The following CDKN2B-AS1 variants were observed in gnomAD, a reference collection of about 807,000 sequenced individuals.
CDKN2B-AS1 encodes the protein CDKN2B and CDKN2A antisense cis and trans regulatory RNA 1.
At chr9:22,042,018 G>A (rs377677144) in intron 1 of CDKN2B-AS1, among the ~76,000 whole-genome samples, 3 of 152,042 alleles carry the variant, frequency 2.0e-5, no homozygotes, top group East Asian at 1.9e-4. Flanking sequence ...TGTTAGCCAA[G>A]TTTACTATGT....
intron 4 of CDKN2B-AS1, among the ~76,000 whole-genome samples, chr9:22,090,897 T>C (rs1198537345): frequency 6.6e-6 from 1 of 152,188 alleles, no homozygotes; most frequent in African/African-American, 2.4e-5. Context: ...ATGAAGTCCT[T>C]GCCCATGCCT....
At chr9:22,105,153 G>T (rs1055748098) in intron 4 of CDKN2B-AS1, among the ~76,000 whole-genome samples, 1 of 152,178 alleles carries the variant, frequency 6.6e-6, no homozygotes, top group Non-Finnish European at 1.5e-5. Context: ...TTAAATGAGG[G>T]TATGTGTATA....
intron 4 of CDKN2B-AS1, among the ~76,000 whole-genome samples, chr9:22,109,578 G>A (rs1825749985): frequency 6.6e-6 from 1 of 152,174 alleles, no homozygotes; most frequent in African/African-American, 2.4e-5. Context: ...GAATAAGTAA[G>A]AGCAAGTATT....
intron 1 of CDKN2B-AS1, chr9:22,009,203 G>A: frequency 1.6e-6 from 1 of 612,858 alleles, no homozygotes; most frequent in Non-Finnish European, 2.9e-6. Context: ...TTGCTTCTGG[G>A]AAAAAGCGCC....
At chr9:22,097,635 C>A (rs1319897066) in intron 4 of CDKN2B-AS1, among the ~76,000 whole-genome samples, 1 of 152,174 alleles carries the variant, frequency 6.6e-6, no homozygotes, top group African/African-American at 2.4e-5. Flanking sequence ...AGCCACAACC[C>A]TAAAAGGGAA....
chr9:22,060,479 A>G (rs1424081834), intron 4 of CDKN2B-AS1, among the ~76,000 whole-genome samples: 1 of 152,176 alleles, frequency 6.6e-6, no homozygotes, highest in African/African-American at 2.4e-5. Context: ...CGCTGTTGGC[A>G]TTTTGGACAA....
At chr9:22,052,358 G>C (rs1274006591) in intron 3 of CDKN2B-AS1, among the ~76,000 whole-genome samples, 5 of 152,122 alleles carry the variant, frequency 3.3e-5, no homozygotes. Context: ...TGACCTAACT[G>C]TATATTTTCA....
intron 1 of CDKN2B-AS1, among the ~76,000 whole-genome samples, chr9:22,011,176 T>TC (rs1821485964): frequency 1.3e-5 from 2 of 152,214 alleles, no homozygotes; most frequent in South Asian, 2.1e-4. Flanking sequence ...TTCTAAAGCT[T>TC]CACACTTGAT....
intron 3 of CDKN2B-AS1, among the ~76,000 whole-genome samples, chr9:22,052,419 G>A (rs921098065): frequency 6.6e-6 from 1 of 152,156 alleles, no homozygotes; most frequent in African/African-American, 2.4e-5. Context: ...TCTACAAAGA[G>A]ATGCATGACA....
chr9:22,049,407 C>T (rs1823242635), intron 3 of CDKN2B-AS1, among the ~76,000 whole-genome samples: 1 of 152,184 alleles, frequency 6.6e-6, no homozygotes, highest in Non-Finnish European at 1.5e-5. Context: ...CAAAGAAATG[C>T]AGCCCTTTAA....
chr9:22,127,628 G>T (rs757308892), exon 5 of CDKN2B-AS1, among the ~76,000 whole-genome samples: 5 of 152,162 alleles, frequency 3.3e-5, no homozygotes, highest in Non-Finnish European at 7.3e-5. Flanking sequence ...TGTGTCCACT[G>T]AGGATCTCTG....
intron 3 of CDKN2B-AS1, among the ~76,000 whole-genome samples, chr9:22,049,888 TA>T (rs1823270916): frequency 9.0e-6 from 1 of 110,766 alleles, no homozygotes; most frequent in South Asian, 4.2e-4. Context: ...TATTTTTCCT[TA>T]AATATTTTTT....
chr9:22,081,275 CTTTT>C (rs36049201), intron 4 of CDKN2B-AS1, among the ~76,000 whole-genome samples: 1 of 124,500 alleles, frequency 8.0e-6, no homozygotes, highest in Non-Finnish European at 1.7e-5. Context: ...TGTTCTTTAG[CTTTT>C]TTTTTTTTTT....
At chr9:22,080,119 C>A (rs1300728237) in intron 4 of CDKN2B-AS1, among the ~76,000 whole-genome samples, 1 of 152,204 alleles carries the variant, frequency 6.6e-6, no homozygotes, top group Non-Finnish European at 1.5e-5. Context: ...TGAATAATCA[C>A]CAAAGGCGTG....
chr9:22,072,838 G>T (rs1824350756), intron 4 of CDKN2B-AS1, among the ~76,000 whole-genome samples: 1 of 152,154 alleles, frequency 6.6e-6, no homozygotes, highest in Admixed American at 6.5e-5. Flanking sequence ...TCTTAACTTT[G>T]TGTCTTTGGG....
chr9:22,087,689 A>C (rs78651848), intron 4 of CDKN2B-AS1, among the ~76,000 whole-genome samples: 2 of 152,200 alleles, frequency 1.3e-5, no homozygotes, highest in Non-Finnish European at 2.9e-5. Context: ...TGTCATTTGC[A>C]TACCACTTCT....
Position 21,996,241 on chromosome 9 carries a change from A to G in CDKN2B-AS1, n.29+1080A>G, listed in dbSNP as rs1820674405. Among the ~76,000 whole-genome samples the G allele has an allele frequency of 6.6e-6, 1 of 152,108 alleles. No individual in the cohort carries two copies. The highest frequency in any genetic ancestry group is 1.5e-5 in the Non-Finnish European group (1 of 68,016). The stretch of plus-strand genomic sequence containing the variant: ...CCGGACCTCGGTACAAACCCAAGAC[A>G]AAACGGGGCCCTTTGGAAAAAGTGA... On this transcript the variant is annotated intron_variant and non_coding_transcript_variant, in intron 1 of 4. Transcript: ENST00000650946. This position sits in a 1 kb window ranked among gnomAD's most constrained non-coding sequence, Gnocchi z 5.4.
rs375030522 is a variant in CDKN2B-AS1 at position 22,095,336 on chromosome 9, C to T, written n.439-31767C>T. 8.3e-5 allele frequency among the ~76,000 whole-genome samples: 12 copies of T among 144,766 alleles called. No individual in the cohort carries two copies. The South Asian group carries it at 2.5e-3, about 31-fold the overall frequency. The allele number at this position is 144,766 out of a possible 152,430, so 95.0% of individuals were successfully genotyped here. ...CAAAGAACATCTTTATTTCTGCCTT[C>T]ATTTTGTTATGTACCCAGTAGTCAT... On this transcript the variant is annotated intron_variant and non_coding_transcript_variant, in intron 4 of 4. Coordinates refer to ENST00000650946, the Ensembl canonical transcript of CDKN2B-AS1.
rs1587379114 is a variant in CDKN2B-AS1 at position 22,005,229 on chromosome 9, G to T, written n.29+10068G>T. ...TGTAGTCTGCCTGCGGAACCCGCGG[G>T]AATCTCTCCTCAGTGTAGTAAGAGC... On this transcript the variant is annotated intron_variant and non_coding_transcript_variant, in intron 1 of 4. Coordinates refer to ENST00000650946, the Ensembl canonical transcript of CDKN2B-AS1. The surrounding 1 kb of genome is among the most constrained non-coding windows in gnomAD (Gnocchi z 4.9). 8.6e-6 allele frequency: 2 copies of T among 233,498 alleles called. No individual in the cohort carries two copies. Among genetic ancestry groups the T allele is most frequent in the Non-Finnish European group, 1.7e-5 (2 of 118,350 alleles). The allele number at this position is 233,498 out of a possible 1,614,324, so 14.5% of individuals were successfully genotyped here.
Sources: gnomAD v4.1 joint callset for allele counts (sites outside exome capture counted in the v4.1 genomes callset) on GRCh38, gnomAD v4.1.1 for gene constraint, Gnocchi (gnomAD v3.1) non-coding constraint, MANE v1.5 for transcripts, NCBI Gene and HGNC (gene_info 2026-07-23, HGNC 2026-07-21) for gene names.